The following CRELD2 variants were observed in gnomAD, a reference collection of about 807,000 sequenced individuals.
CRELD2 encodes CRELD disulfide isomerase 2.
In CRELD2, 33 loss-of-function variants were observed where a neutral mutation model predicts 48.1. That is an observed-to-expected ratio of 0.69 (90% CI 0.52 to 0.92). The LOEUF (loss-of-function observed/expected upper bound fraction) is 0.92, where lower values mean the gene tolerates loss of function less well. CRELD2 is among the 40% of genes least tolerant of loss of function. CRELD2 has a pLI of 0.00. For missense variants in CRELD2, 477 were observed against 482.4 expected, an observed-to-expected ratio of 0.99 and a Z score of 0.10; for synonymous variants, 220 against 203.9, an observed-to-expected ratio of 1.08 and a Z score of -0.67.
Position 49,918,831 on chromosome 22 carries a change from C to A in CRELD2, c.62C>A (p.Ala21Glu). The change falls in exon 1 of 10, where the codon GCG becomes GAG. Residue 21 changes from alanine to glutamate, a missense_variant. Transcript: ENST00000328268. ...LLPLLLLLPP[A>E]PEAAKKPTPC... is the part of the protein sequence containing the mutation. ...CCGCTTCTGCTGCTGCTGCCGCCCGCGCCGGAGGCCGCCAAGAAGCCGACG... is the reference window on the plus strand; with the variant it reads ...CCGCTTCTGCTGCTGCTGCCGCCCGAGCCGGAGGCCGCCAAGAAGCCGACG... 1 of 1,324,646 alleles carries A rather than the reference C, an allele frequency of 7.5e-7. No homozygotes were observed. The highest frequency in any genetic ancestry group is 9.6e-7 in the Non-Finnish European group (1 of 1,041,228). The allele number at this position is 1,324,646 out of a possible 1,614,324, so 82.1% of individuals were successfully genotyped here. A position where few individuals can be genotyped will look rare whatever the true frequency, so the allele number is the denominator to read the frequency against.
rs370768019 is a variant in CRELD2 at position 49,924,420 on chromosome 22, T to C, written c.833T>C (p.Ile278Thr). The stretch of plus-strand genomic sequence containing the variant: ...GGCCCAGGAAACTGTAAAGAGTGTA[T>C]CTCTGGCTACGCGAGGGAGCACGGA... ...GEGPGNCKEC[I>T]SGYAREHGQC... Residue 278 changes from isoleucine (I) to threonine (T), a missense_variant, in exon 8 of 10, where the codon ATC becomes ACC. Coordinates refer to ENST00000328268, the MANE Select transcript of CRELD2 (RefSeq NM_024324.5). 76 of 1,612,100 alleles carry C rather than the reference T, an allele frequency of 4.7e-5. 1 individual carries two copies. Among genetic ancestry groups the C allele is most frequent in the South Asian group, 2.3e-4 (21 of 90,692 alleles).
At chr22:49,922,864 GGGTGTGGGGGGCGTGA>G in intron 6 of CRELD2, among the ~76,000 whole-genome samples, 157 bp downstream of exon 6, 1 of 78,046 alleles carries the variant, frequency 1.3e-5, no homozygotes, top group South Asian at 5.2e-4. Flanking sequence ...GTGGGGCTTG[GGGTGTGGGGGGCGTGA>G]GGTGTGGGGG....
Position 49,919,380 on chromosome 22 carries a change from T to C in CRELD2, c.212+68T>C, listed in dbSNP as rs539734670. The C allele has an allele frequency of 4.9e-6, 7 of 1,421,460 alleles. No homozygotes were observed. In the East Asian group the frequency reaches 6.9e-5, roughly 14 times the overall value. The allele number at this position is 1,421,460 out of a possible 1,614,324, so 88.1% of individuals were successfully genotyped here. ...GTCCTGGGAAGTCGTGTCCTGCCTTTGGTGCCTGTGTTAATGACAGGGAGA... is the reference window on the plus strand; with the variant it reads ...GTCCTGGGAAGTCGTGTCCTGCCTTCGGTGCCTGTGTTAATGACAGGGAGA... On this transcript the variant is annotated intron_variant, in intron 2 of 9. Transcript: ENST00000328268.
At position 49,921,229 on chromosome 22, in the gene CRELD2, CAT is replaced by C. The variant is rs2060683182; in HGVS notation, c.416-354_416-353del. The C allele has an allele frequency of 1.2e-5, 3 of 247,390 alleles. No homozygotes were observed. In the South Asian group the frequency reaches 2.2e-4, roughly 18 times the overall value. The allele number at this position is 247,390 out of a possible 1,614,324, so 15.3% of individuals were successfully genotyped here. On this transcript the variant is annotated intron_variant, in intron 4 of 9. Transcript: ENST00000328268. ...AATGTGTCACCTGAACACATCTAAA[CAT>C]AGAACAGGTAATGAGGCACATTGTG... is the stretch of plus-strand genomic sequence containing the variant.
chr22:49,921,675 A>G lies in CRELD2; in HGVS notation c.506A>G (p.His169Arg). ...CAGGGCGACGGGTCCTGCCGGTGCC[A>G]CATGGGGTACCAGGGCCCGCTGTGC... ...SRQGDGSCRC[H>R]MGYQGPLCTD... The change falls in exon 5 of 10, where the codon CAC (histidine) becomes CGC (arginine). Residue 169 changes from histidine to arginine, a missense_variant. By Grantham distance (29) the His-to-Arg change is conservative. Coordinates refer to ENST00000328268, the MANE Select transcript of CRELD2 (RefSeq NM_024324.5). The G allele has an allele frequency of 6.2e-7, 1 of 1,612,890 alleles. No homozygotes were observed. Among genetic ancestry groups the G allele is most frequent in the Non-Finnish European group, 8.5e-7 (1 of 1,179,922 alleles).
rs1209192944 is a variant in CRELD2 at position 49,923,346 on chromosome 22, G to GGGGCCTGCACTCCA, written c.772+37_772+38insACTCCAGGGCCTGC. 6 of 1,556,966 alleles carry GGGGCCTGCACTCCA rather than the reference G, an allele frequency of 3.9e-6. No homozygotes were observed. In the African/African-American group the frequency reaches 8.2e-5, roughly 21 times the overall value. The stretch of plus-strand genomic sequence containing the variant: ...GGCCAGGCGGGCGGGTCTGCACTCC[G>GGGGCCTGCACTCCA]GGGCCTGCCGGGTTTCGTTGCTGCC... On this transcript the variant is annotated intron_variant, in intron 7 of 9. Transcript: ENST00000328268.
chr22:49,919,203 A>G (rs1408250265), intron 1 of CRELD2, 27 bp from the exon 2 acceptor site: 2 of 1,611,040 alleles, frequency 1.2e-6, no homozygotes, highest in African/African-American at 2.7e-5. Flanking sequence ...GGTGGTACCA[A>G]GCACTATGGG....
chr22:49,923,551 G>C, intron 7 of CRELD2: 1 of 633,226 alleles, frequency 1.6e-6, no homozygotes, highest in East Asian at 2.9e-5. Flanking sequence ...CACCCTGCTG[G>C]TGCCTCCACT....
At position 49,918,866 on chromosome 22, in the gene CRELD2, C is replaced by T. The variant is rs1272735690; in HGVS notation, c.97C>T (p.Arg33Trp). The change falls in exon 1 of 10, where the codon CGG becomes TGG. Residue 33 changes from arginine to tryptophan, a missense_variant. Physicochemically the swap from Arg to Trp is moderately radical, Grantham distance 101. Coordinates refer to ENST00000328268, the MANE Select transcript of CRELD2 (RefSeq NM_024324.5). The stretch of plus-strand genomic sequence containing the variant: ...CGCCAAGAAGCCGACGCCCTGCCAC[C>T]GGTGCCGGGGGCTGGTGGACAAGTT... ...EAAKKPTPCH[R>W]CRGLVDKFNQ... The T allele has an allele frequency of 5.4e-6, 7 of 1,305,994 alleles. No individual in the cohort carries two copies. Among genetic ancestry groups the T allele is most frequent in the South Asian group, 2.1e-5 (1 of 46,886 alleles). 80.9% of individuals were successfully genotyped at this position (1,305,994 alleles called of 1,614,324 possible).
intron 4 of CRELD2, 40 bp downstream of exon 4, chr22:49,920,287 T>C (rs1488922862): frequency 2.3e-6 from 3 of 1,326,604 alleles, no homozygotes; most frequent in Admixed American, 1.7e-5. Flanking sequence ...CCTACGTCAC[T>C]TCCCCTCTTC....
Position 49,918,674 on chromosome 22 carries a change from C to A in CRELD2, c.-96C>A. The A allele has an allele frequency of 1.2e-5, 5 of 411,248 alleles. 1 individual carries two copies. The South Asian group carries it at 3.5e-4, about 29-fold the overall frequency. 25.5% of individuals were successfully genotyped at this position (411,248 alleles called of 1,614,324 possible). On this transcript the variant is annotated 5_prime_UTR_variant, in exon 1 of 10. Transcript: ENST00000328268. ...CCGTCAAGTAGCCTGGGGGACAGGCCGGCGCGGCTGGGAGCGGGTGGGCGG... is the reference window on the plus strand; with the variant it reads ...CCGTCAAGTAGCCTGGGGGACAGGCAGGCGCGGCTGGGAGCGGGTGGGCGG...
Position 49,920,181 on chromosome 22 carries a change from G to A in CRELD2, c.349G>A (p.Glu117Lys), listed in dbSNP as rs752690863. 11 of 1,612,780 alleles carry A rather than the reference G, an allele frequency of 6.8e-6. No individual in the cohort carries two copies. The highest frequency in any genetic ancestry group is 1.3e-5 in the African/African-American group (1 of 74,820). Reference protein sequence around the residue: ...QLKSEYPDLFEWFCVKTLKVC... With the variant: ...QLKSEYPDLFKWFCVKTLKVC... ...GAAGAGCGAATATCCTGACTTATTC[G>A]AGTGGTTTTGTGTGAAGACACTGAA... The change falls in exon 4 of 10, where the codon GAG (glutamate) becomes AAG (lysine). Residue 117 changes from glutamate (E) to lysine (K), a missense_variant. Transcript: ENST00000328268.
In CRELD2 at chr22:49,920,207, A is replaced by G. The variant is rs941541269; in HGVS notation, c.375A>G (p.Lys125=). Residue 125 remains lysine (K), a synonymous_variant, in exon 4 of 10, where the codon AAA becomes AAG. Transcript: ENST00000328268. Reference sequence around the variant, plus strand: ...AGTGGTTTTGTGTGAAGACACTGAAAGTGTGCTGCTCTCCAGGAACCTACG... The same window carrying G: ...AGTGGTTTTGTGTGAAGACACTGAAGGTGTGCTGCTCTCCAGGAACCTACG... ...LFEWFCVKTL[K]VCCSPGTYGP... is the part of the protein sequence containing the mutation. 1.2e-6 allele frequency: 2 copies of G among 1,612,478 alleles called. No individual in the cohort carries two copies. Among genetic ancestry groups the G allele is most frequent in the South Asian group, 1.1e-5 (1 of 91,036 alleles).
chr22:49,923,003 C>T (rs1279647907), intron 6 of CRELD2, among the ~76,000 whole-genome samples: 2 of 151,248 alleles, frequency 1.3e-5, no homozygotes, highest in Non-Finnish European at 2.9e-5. Context: ...GCGCCTGCCC[C>T]GGTTGGCACT....
At chr22:49,921,092 G>A (rs1423559750) in intron 4 of CRELD2, among the ~76,000 whole-genome samples, 1 of 149,302 alleles carries the variant, frequency 6.7e-6, no homozygotes, top group Non-Finnish European at 1.5e-5. Flanking sequence ...ACGCCTAGAT[G>A]GTGCAGCCGC....
At chr22:49,921,345 A>C (rs571470831) in intron 4 of CRELD2, 2 of 544,144 alleles carry the variant, frequency 3.7e-6, no homozygotes, top group Non-Finnish European at 6.5e-6. Context: ...CCTAAACGTC[A>C]TCATGCAGCA....
rs567176040 is a variant in CRELD2, at chr22:49,919,406, C to T, written c.212+94C>T. ...GGTGCCTGTGTTAATGACAGGGAGA[C>T]AGAACAGCCCCCGAGGCACCAGTCA... On this transcript the variant is annotated intron_variant, in intron 2 of 9. Coordinates refer to ENST00000328268, the MANE Select transcript of CRELD2 (RefSeq NM_024324.5). 2.8e-5 allele frequency: 33 copies of T among 1,160,918 alleles called. No homozygotes were observed. In the African/African-American group the frequency reaches 4.9e-4, roughly 17 times the overall value. 71.9% of individuals were successfully genotyped at this position (1,160,918 alleles called of 1,614,324 possible).
chr22:49,923,137 G>A (rs1430836592), intron 6 of CRELD2, 97 bp from the exon 7 acceptor site: 8 of 969,974 alleles, frequency 8.2e-6, no homozygotes, highest in African/African-American at 6.6e-5. Flanking sequence ...TTCCCCAGCC[G>A]GCCCTGGCCA....
intron 5 of CRELD2, 113 bp downstream of exon 5, chr22:49,921,874 T>C: frequency 1.8e-6 from 2 of 1,140,086 alleles, no homozygotes; most frequent in Non-Finnish European, 2.5e-6. Flanking sequence ...ACCCCAGATG[T>C]CCAAGGAAGC....
Sources: allele counts gnomAD v4.1 joint callset (sites outside exome capture counted in the v4.1 genomes callset), GRCh38; gene constraint gnomAD v4.1.1; transcripts MANE v1.5; gene names NCBI Gene and HGNC (gene_info 2026-07-23, HGNC 2026-07-21).